Variants in ZBTB46 observed in about 807,000 individuals in gnomAD.
ZBTB46 encodes zinc finger and BTB domain containing 46, also known as zinc finger and BTB domain-containing protein 46.
A neutral mutation model predicts 44.1 loss-of-function variants in ZBTB46; 8 were observed. The observed-to-expected ratio is 0.18, with a 90% CI of 0.11 to 0.33. The LOEUF is 0.33. Among genes scored for constraint, ZBTB46 ranks in the 10% least tolerant of loss-of-function variants. The pLI, the probability that ZBTB46 is intolerant of heterozygous loss-of-function variation, is 1.00. For synonymous variants in ZBTB46, 409 were observed against 382.3 expected, an observed-to-expected ratio of 1.07 and a Z score of -0.81; for missense variants, 651 against 847.7, an observed-to-expected ratio of 0.77 and a Z score of 2.88.
chr20:63,816,812 G>A lies in ZBTB46; in HGVS notation c.-34+14285C>T, dbSNP rs184384328. ...TAGGACCAGCTTCCTTAAAAGAAAA[G>A]GAAAAGGCCAGGCCTGGCACGGTGG... On this transcript the variant is annotated intron_variant, in intron 1 of 4. Transcript: ENST00000245663. Among the ~76,000 whole-genome samples the A allele has an allele frequency of 1.2e-4, 18 of 152,234 alleles. No individual in the cohort carries two copies. In the East Asian group the frequency reaches 2.7e-3, roughly 23 times the overall value.
intron 3 of ZBTB46, among the ~76,000 whole-genome samples, chr20:63,766,457 C>CTG (rs1190301421): frequency 4.0e-5 from 6 of 151,432 alleles, no homozygotes; most frequent in African/African-American, 1.5e-4. Context: ...CTCAGGTGAT[C>CTG]CGCCCACCTT....
intron 2 of ZBTB46, among the ~76,000 whole-genome samples, chr20:63,780,622 GA>G (rs1233159576): frequency 6.6e-6 from 1 of 151,968 alleles, no homozygotes; most frequent in African/African-American, 2.4e-5. Context: ...CTAACATGGT[GA>G]AACCCCGTCT....
chr20:63,800,368 C>T (rs2092634181), intron 1 of ZBTB46, among the ~76,000 whole-genome samples: 3 of 152,208 alleles, frequency 2.0e-5, no homozygotes, highest in Admixed American at 6.5e-5. Flanking sequence ...CGGGAAGCTC[C>T]TGTGGTGATG....
chr20:63,806,617 CTCT>C (rs1258338179), intron 1 of ZBTB46, among the ~76,000 whole-genome samples: 3 of 152,032 alleles, frequency 2.0e-5, no homozygotes, highest in Admixed American at 1.3e-4. Context: ...TGGAATCTTT[CTCT>C]TTTTTTGAGA....
At chr20:63,769,162 G>A (rs2092345924) in intron 3 of ZBTB46, 2 of 983,826 alleles carry the variant, frequency 2.0e-6, no homozygotes, top group South Asian at 4.7e-5. Context: ...TCTGGGCCGT[G>A]GCCACGCACA....
rs6062530 is a variant in ZBTB46 at position 63,787,032 on chromosome 20, T to G, written c.937+2789A>C. On this transcript the variant is annotated intron_variant, in intron 2 of 4. Transcript: ENST00000245663. The surrounding 1 kb of genome is among the most constrained non-coding windows in gnomAD (Gnocchi z 4.6). ...CAACAACAGATGAGAATGAATAAAA[T>G]CTACATTGTGTCAAAGTAGAACAGC... Among the ~76,000 whole-genome samples, 38,089 of 151,984 alleles carry G rather than the reference T, an allele frequency of 0.25. 4,901 individuals are homozygous for G. Among genetic ancestry groups the G allele is most frequent in the Middle Eastern group, 0.35 (103 of 292 alleles).
At chr20:63,827,640 A>C (rs922595877) in intron 1 of ZBTB46, among the ~76,000 whole-genome samples, 39 of 150,868 alleles carry the variant, frequency 2.6e-4, no homozygotes, top group East Asian at 6.1e-4. Flanking sequence ...AAAAAAAAAA[A>C]CCACAAAAGA....
intron 1 of ZBTB46, among the ~76,000 whole-genome samples, chr20:63,812,546 G>A (rs1401811279): frequency 6.6e-6 from 1 of 152,224 alleles, no homozygotes; most frequent in Non-Finnish European, 1.5e-5. Context: ...GGAGGTGGAG[G>A]CGGGCGAATC....
Position 63,775,543 on chromosome 20 carries a change from C to T in ZBTB46, c.1222+135G>A, listed in dbSNP as rs930304371. 11 of 1,231,286 alleles carry T rather than the reference C, an allele frequency of 8.9e-6. No homozygotes were observed. The African/African-American group carries it at 1.7e-4, about 19-fold the overall frequency. The allele number at this position is 1,231,286 out of a possible 1,614,324, so 76.3% of individuals were successfully genotyped here. On this transcript the variant is annotated intron_variant, in intron 3 of 4. Coordinates refer to ENST00000245663, the MANE Select transcript of ZBTB46 (RefSeq NM_001369741.1). ...GGCTGTGACGCCGCATCCTCACCTC[C>T]CGCAACAGGGAGGTCAGCAGGCGGC...
chr20:63,810,965 A>G (rs6011147), intron 1 of ZBTB46, among the ~76,000 whole-genome samples: 2,535 of 152,022 alleles, frequency 0.017, 69 homozygotes, highest in African/African-American at 0.058. Flanking sequence ...CTCTTTCCTC[A>G]CTCCTACGAG....
intron 1 of ZBTB46, among the ~76,000 whole-genome samples, chr20:63,796,416 C>T (rs2092604752): frequency 6.6e-6 from 1 of 152,248 alleles, no homozygotes; most frequent in Non-Finnish European, 1.5e-5. Flanking sequence ...CGGGCAAGAA[C>T]GACCCTCTCA....
At chr20:63,813,961 G>A (rs1285483532) in intron 1 of ZBTB46, among the ~76,000 whole-genome samples, 3 of 152,292 alleles carry the variant, frequency 2.0e-5, no homozygotes, top group Admixed American at 6.5e-5. Context: ...AGGGCCGGGC[G>A]CGGTGGCTCA....
chr20:63,779,406 A>ATT lies in ZBTB46; in HGVS notation c.938-3446_938-3445dup, dbSNP rs59166121. On this transcript the variant is annotated intron_variant, in intron 2 of 4. Coordinates refer to ENST00000245663, the MANE Select transcript of ZBTB46 (RefSeq NM_001369741.1). ...CAGGTGCGTGCCACCACGCCGGCTA[A>ATT]TTTTTTTTTTTTTTTTTTTTTTTTT... Among the ~76,000 whole-genome samples, 299 of 105,480 alleles carry ATT rather than the reference A, an allele frequency of 2.8e-3. 8 individuals carry two copies. The highest frequency in any genetic ancestry group is 5.4e-3 in the African/African-American group (135 of 24,902). The allele number at this position is 105,480 out of a possible 152,430, so 69.2% of individuals were successfully genotyped here. A position where few individuals can be genotyped will look rare whatever the true frequency, so the allele number is the denominator to read the frequency against.
chr20:63,781,782 ACT>A (rs1430683301), intron 2 of ZBTB46, among the ~76,000 whole-genome samples: 26 of 122,426 alleles, frequency 2.1e-4, no homozygotes, highest in Middle Eastern at 3.8e-3. Context: ...ACAGAGCGAG[ACT>A]CTGTCAAAAA....
intron 1 of ZBTB46, chr20:63,814,919 T>G (rs1384272882): frequency 1.3e-5 from 2 of 154,342 alleles, no homozygotes; most frequent in African/African-American, 4.8e-5. Context: ...AATGCTATTG[T>G]GAGCTGATCA....
At chr20:63,758,664 A>G (rs1323093566) in intron 3 of ZBTB46, among the ~76,000 whole-genome samples, 1 of 151,788 alleles carries the variant, frequency 6.6e-6, no homozygotes, top group African/African-American at 2.4e-5. Flanking sequence ...ACGGGCACTC[A>G]CACACCCCTC....
chr20:63,832,671 A>C (rs2092858195), upstream of ZBTB46, among the ~76,000 whole-genome samples: 2 of 151,992 alleles, frequency 1.3e-5, no homozygotes, highest in Non-Finnish European at 2.9e-5. This position sits in a 1 kb window ranked among gnomAD's most constrained non-coding sequence, Gnocchi z 5.0. Context: ...CCCCTCGCCA[A>C]GGTCGCCGGG....
intron 1 of ZBTB46, among the ~76,000 whole-genome samples, chr20:63,825,617 T>C (rs944787123): frequency 3.3e-5 from 5 of 152,136 alleles, no homozygotes; most frequent in African/African-American, 1.2e-4. Context: ...CGGCTGGCTA[T>C]GGCCAATGAG....
chr20:63,780,807 A>G (rs1168293174), intron 2 of ZBTB46, among the ~76,000 whole-genome samples: 3 of 150,442 alleles, frequency 2.0e-5, no homozygotes, highest in African/African-American at 4.9e-5. Context: ...GTCTCAAAAA[A>G]AAAGGATCCT....
Sources: allele counts gnomAD v4.1 joint callset (sites outside exome capture counted in the v4.1 genomes callset), GRCh38; gene constraint gnomAD v4.1.1; non-coding constraint Gnocchi (gnomAD v3.1); transcripts MANE v1.5; gene names NCBI Gene and HGNC (gene_info 2026-07-23, HGNC 2026-07-21).